Variants in KLHDC10 observed in about 807,000 individuals in gnomAD.
KLHDC10 encodes kelch domain containing 10.
KLHDC10 carries 24 observed loss-of-function variants against 56.1 expected under a neutral mutation model. The observed-to-expected ratio is 0.43, with a 90% CI of 0.31 to 0.60. The LOEUF (loss-of-function observed/expected upper bound fraction) is 0.60. KLHDC10 is among the 20% of genes least tolerant of loss of function. The pLI, the probability that KLHDC10 is intolerant of heterozygous loss-of-function variation, is 0.11. For synonymous variants in KLHDC10, 188 were observed against 207.1 expected, an observed-to-expected ratio of 0.91 and a Z score of 0.79; for missense variants, 349 against 567.0, an observed-to-expected ratio of 0.62 and a Z score of 3.91.
chr7:130,128,994 A>G (rs1454824940), intron 8 of KLHDC10, among the ~76,000 whole-genome samples: 3 of 149,352 alleles, frequency 2.0e-5, no homozygotes, highest in African/African-American at 7.6e-5. Flanking sequence ...TTGCCTTGAA[A>G]AAAATGGACG....
At chr7:130,102,280 A>C (rs565159984) in intron 2 of KLHDC10, among the ~76,000 whole-genome samples, 1 of 152,238 alleles carries the variant, frequency 6.6e-6, no homozygotes, top group Non-Finnish European at 1.5e-5. Flanking sequence ...AGGCAAATTA[A>C]TACAACTGTT....
chr7:130,129,468 G>A lies in KLHDC10; in HGVS notation c.1011G>A (p.Glu337=). The change falls in exon 9 of 10, where the codon GAG becomes GAA. Residue 337 remains glutamate (E), a synonymous_variant. Coordinates refer to ENST00000335420, the MANE Select transcript of KLHDC10 (RefSeq NM_014997.4). ...DVFICGGYNG[E]VILGDIWKLN... ...TTATTTGTGGGGGCTATAATGGAGA[G>A]GTGATCCTGGGAGATATCTGGAAGT... The A allele has an allele frequency of 6.2e-6, 10 of 1,614,146 alleles. No individual in the cohort carries two copies. Among genetic ancestry groups the A allele is most frequent in the Non-Finnish European group, 8.5e-6 (10 of 1,180,030 alleles).
chr7:130,117,935 C>T (rs1197842737), intron 3 of KLHDC10, among the ~76,000 whole-genome samples: 6 of 149,692 alleles, frequency 4.0e-5, no homozygotes, highest in East Asian at 3.9e-4. Flanking sequence ...GAGGCTGAGG[C>T]GGGCGGATCA....
Position 130,081,889 on chromosome 7 carries a change from A to G in KLHDC10, c.166+11080A>G, listed in dbSNP as rs542832517. On this transcript the variant is annotated intron_variant, in intron 1 of 9. Transcript: ENST00000335420. ...CTGTTCTCTGTTTATATTTCTTTCT[A>G]TTGTCTGCCTTTCTAGAGCTAGAGT... Among the ~76,000 whole-genome samples the G allele has an allele frequency of 1.3e-4, 19 of 151,598 alleles. No homozygotes were observed. The South Asian group carries it at 3.3e-3, about 27-fold the overall frequency.
chr7:130,129,700 A>G, intron 9 of KLHDC10, 124 bp downstream of exon 9: 1 of 875,272 alleles, frequency 1.1e-6, no homozygotes, highest in Non-Finnish European at 1.7e-6. Flanking sequence ...CATATTTTTA[A>G]AACTTCCTTC....
At chr7:130,115,475 G>T (rs1485624050) in intron 2 of KLHDC10, among the ~76,000 whole-genome samples, 1 of 151,846 alleles carries the variant, frequency 6.6e-6, no homozygotes, top group Non-Finnish European at 1.5e-5. Flanking sequence ...CAGGATGTTG[G>T]GAGGCCAAGG....
At chr7:130,115,438 G>A (rs542442653) in intron 2 of KLHDC10, among the ~76,000 whole-genome samples, 19 of 151,762 alleles carry the variant, frequency 1.3e-4, no homozygotes, top group Admixed American at 3.3e-4. Flanking sequence ...AGTTGAGACC[G>A]GGTGCAGTAG....
intron 1 of KLHDC10, among the ~76,000 whole-genome samples, chr7:130,077,630 A>G (rs1475238639): frequency 7.4e-6 from 1 of 134,626 alleles, no homozygotes; most frequent in Non-Finnish European, 1.5e-5. Context: ...ATCTTGGCTC[A>G]CTGCAAGCTC....
At chr7:130,080,946 T>G (rs1795595090) in intron 1 of KLHDC10, among the ~76,000 whole-genome samples, 1 of 152,082 alleles carries the variant, frequency 6.6e-6, no homozygotes, top group Admixed American at 6.5e-5. Context: ...CTTGGATTTT[T>G]AAAACTTAGT....
intron 5 of KLHDC10, 97 bp from the exon 6 acceptor site, chr7:130,124,354 T>C (rs1235360185): frequency 2.9e-6 from 2 of 694,578 alleles, no homozygotes; most frequent in African/African-American, 1.8e-5. Context: ...CAATAACTTA[T>C]TGTTATAAAT....
chr7:130,102,149 T>G (rs1431333829), intron 2 of KLHDC10, among the ~76,000 whole-genome samples: 2 of 152,008 alleles, frequency 1.3e-5, no homozygotes, highest in Admixed American at 1.3e-4. Context: ...GCCTGCCAAT[T>G]TTGGCAGTAA....
intron 8 of KLHDC10, among the ~76,000 whole-genome samples, 160 bp downstream of exon 8, chr7:130,127,611 T>G: frequency 6.6e-6 from 1 of 152,376 alleles, no homozygotes; most frequent in Non-Finnish European, 1.5e-5. Flanking sequence ...CTCTGTCAGC[T>G]GTTTTCATAA....
rs1796439548 is a variant in KLHDC10, at chr7:130,134,341, G to A, written c.*3595G>A. On this transcript the variant is annotated 3_prime_UTR_variant, in exon 10 of 10. Transcript: ENST00000335420. ...TTGAATGCTGAAATTAGGAACCACA[G>A]GTGGTAATCCTGAGTAGATGTAGCT... 6.6e-6 allele frequency: 1 copy of A among 152,204 alleles called. No homozygotes were observed. The allele number at this position is 152,204 out of a possible 1,614,324, so 9.4% of individuals were successfully genotyped here.
intron 1 of KLHDC10, among the ~76,000 whole-genome samples, chr7:130,076,723 C>T (rs184557238): frequency 2.6e-5 from 4 of 152,226 alleles, no homozygotes; most frequent in African/African-American, 7.2e-5. Flanking sequence ...TTCAGCTTTG[C>T]CCTGCTGATT....
intron 2 of KLHDC10, among the ~76,000 whole-genome samples, chr7:130,110,808 A>AC (rs1796089967): frequency 6.6e-6 from 1 of 152,172 alleles, no homozygotes; most frequent in African/African-American, 2.4e-5. Flanking sequence ...AAATGGCCTC[A>AC]CCACAAATGT....
chr7:130,101,492 A>C (rs1399213467), intron 2 of KLHDC10, among the ~76,000 whole-genome samples: 1 of 152,166 alleles, frequency 6.6e-6, no homozygotes, highest in East Asian at 1.9e-4. Context: ...GGGAAGGTGG[A>C]ATATCAGGGC....
intron 2 of KLHDC10, among the ~76,000 whole-genome samples, chr7:130,100,906 C>A (rs1006216023): frequency 2.6e-5 from 4 of 151,660 alleles, no homozygotes; most frequent in African/African-American, 7.3e-5. Context: ...TATAAAATGG[C>A]AGACTTAACA....
At chr7:130,128,875 TA>T (rs1164826285) in intron 8 of KLHDC10, among the ~76,000 whole-genome samples, 1,188 of 42,298 alleles carry the variant, frequency 0.028, 44 homozygotes, top group African/African-American at 0.039. Flanking sequence ...CCTTGTCTCT[TA>T]AAAAAAAAAA....
intron 2 of KLHDC10, among the ~76,000 whole-genome samples, chr7:130,106,766 C>T (rs542451808): frequency 6.6e-6 from 1 of 152,030 alleles, no homozygotes; most frequent in East Asian, 1.9e-4. Flanking sequence ...TCTCTTGAGC[C>T]CAAGAGTTGG....
Sources: allele counts gnomAD v4.1 joint callset (sites outside exome capture counted in the v4.1 genomes callset), GRCh38; gene constraint gnomAD v4.1.1; transcripts MANE v1.5; gene names NCBI Gene and HGNC (gene_info 2026-07-23, HGNC 2026-07-21).